Variants in SLC26A7 observed in about 807,000 individuals in gnomAD.
SLC26A7 encodes the protein anion exchange transporter.
SLC26A7 carries 59 observed loss-of-function variants against 82.5 expected under a neutral mutation model. The ratio of observed to expected loss-of-function variants is 0.72; its 90% CI spans 0.58 to 0.89. The LOEUF is 0.89. Ranked by LOEUF, SLC26A7 falls within the 40% of genes least tolerant of loss-of-function variation. The pLI, the probability that SLC26A7 is intolerant of heterozygous loss-of-function variation, is 0.00. For missense variants in SLC26A7, 820 were observed against 793.0 expected, an observed-to-expected ratio of 1.03 and a Z score of -0.41; for synonymous variants, 271 against 274.3, an observed-to-expected ratio of 0.99 and a Z score of 0.12.
intron 2 of SLC26A7, among the ~76,000 whole-genome samples, chr8:91,226,878 C>T (rs927748372): frequency 6.6e-5 from 10 of 152,208 alleles, no homozygotes; most frequent in Admixed American, 4.6e-4. Flanking sequence ...ATTTGAAAAG[C>T]TGAAAGCTTA....
chr8:91,257,827 C>A (rs533259027), intron 2 of SLC26A7, among the ~76,000 whole-genome samples: 2 of 151,900 alleles, frequency 1.3e-5, no homozygotes, highest in Non-Finnish European at 2.9e-5. Context: ...TCCATTCTCA[C>A]GCTGCTATGA....
At chr8:91,369,308 AG>A (rs1168615027) in intron 14 of SLC26A7, among the ~76,000 whole-genome samples, 1 of 152,190 alleles carries the variant, frequency 6.6e-6, no homozygotes. Flanking sequence ...GAGAAATAGC[AG>A]ATGATCTCCT....
At chr8:91,238,531 TTA>T (rs1177542066) in intron 2 of SLC26A7, among the ~76,000 whole-genome samples, 4 of 149,192 alleles carry the variant, frequency 2.7e-5, no homozygotes, top group African/African-American at 4.9e-5. Context: ...GAGAAAGGTT[TTA>T]TATATATATA....
chr8:91,325,788 A>G (rs970271748), intron 5 of SLC26A7, among the ~76,000 whole-genome samples: 1 of 152,208 alleles, frequency 6.6e-6, no homozygotes, highest in Non-Finnish European at 1.5e-5. Context: ...TGAAAAAATC[A>G]TGAGATAGTC....
chr8:91,259,904 C>G (rs1810915115), intron 2 of SLC26A7, among the ~76,000 whole-genome samples: 1 of 152,040 alleles, frequency 6.6e-6, no homozygotes, highest in Non-Finnish European at 1.5e-5. Flanking sequence ...ATTTTATGTT[C>G]TGTGTCTTGG....
intron 5 of SLC26A7, among the ~76,000 whole-genome samples, chr8:91,330,629 T>C (rs1035767366): frequency 1.3e-5 from 2 of 151,970 alleles, no homozygotes; most frequent in African/African-American, 4.8e-5. Context: ...AGAAATGAGG[T>C]TATAAAAACT....
In SLC26A7 at chr8:91,397,594, C is replaced by T. The variant is rs1808605220; in HGVS notation, c.*2497C>T. The T allele has an allele frequency of 6.6e-6, 1 of 152,452 alleles. No homozygotes were observed. Among genetic ancestry groups the T allele is most frequent in the Admixed American group, 6.6e-5 (1 of 15,256 alleles). 9.4% of individuals were successfully genotyped at this position (152,452 alleles called of 1,614,324 possible). On this transcript the variant is annotated 3_prime_UTR_variant, in exon 19 of 19. Transcript: ENST00000276609. ...AACCAGGAAAAGACTGTTAACATTA[C>T]ATTTATGCAAATTAAATGCCCTTAA...
At chr8:91,243,439 T>A (rs1263195857) in intron 2 of SLC26A7, among the ~76,000 whole-genome samples, 1 of 152,132 alleles carries the variant, frequency 6.6e-6, no homozygotes, top group Non-Finnish European at 1.5e-5. Flanking sequence ...GCAACCATGG[T>A]GCCAAAGAGT....
chr8:91,263,143 G>A (rs904150501), intron 2 of SLC26A7, among the ~76,000 whole-genome samples: 3 of 151,936 alleles, frequency 2.0e-5, no homozygotes, highest in African/African-American at 7.2e-5. Context: ...TAATTCTCTG[G>A]TCCTAATTAG....
chr8:91,375,519 ATTTTTTTTTTCTTCAAGAAGGCTAAAAAC>A (rs1814486381), intron 15 of SLC26A7, among the ~76,000 whole-genome samples: 1 of 145,862 alleles, frequency 6.9e-6, no homozygotes, highest in Admixed American at 6.8e-5. Flanking sequence ...CTTGGCTGGC[ATTTTTTTTTTCTTCAAGAAGGCTAAAAAC>A]AGACCCCCAA....
At chr8:91,257,648 C>T (rs992164809) in intron 2 of SLC26A7, among the ~76,000 whole-genome samples, 1 of 151,908 alleles carries the variant, frequency 6.6e-6, no homozygotes, top group African/African-American at 2.4e-5. Flanking sequence ...CATTTTTTCC[C>T]CTTCATTCTT....
chr8:91,380,428 A>G (rs1814637740), intron 15 of SLC26A7, among the ~76,000 whole-genome samples: 1 of 152,134 alleles, frequency 6.6e-6, no homozygotes, highest in Non-Finnish European at 1.5e-5. Flanking sequence ...CATAAAACAA[A>G]GTTTGTGTGC....
intron 4 of SLC26A7, among the ~76,000 whole-genome samples, chr8:91,303,664 C>T (rs1344697676): frequency 6.6e-6 from 1 of 152,096 alleles, no homozygotes; most frequent in Non-Finnish European, 1.5e-5. Flanking sequence ...CTTATGTCTT[C>T]AAGGATGATA....
chr8:91,224,376 G>C (rs781355321), intron 2 of SLC26A7, among the ~76,000 whole-genome samples: 8 of 152,064 alleles, frequency 5.3e-5, no homozygotes, highest in Non-Finnish European at 7.4e-5. Context: ...GGGACTTACT[G>C]TTGTTGTTGA....
In SLC26A7 at chr8:91,343,456, C is replaced by T. The variant is rs777347613; in HGVS notation, c.1130C>T (p.Ala377Val). The change falls in exon 9 of 19, where the codon GCG becomes GTG. Residue 377 changes from alanine (A) to valine (V), a missense_variant. By Grantham distance (64) the Ala-to-Val change is moderately conservative (BLOSUM62 0). Transcript: ENST00000276609. ...GRTAGLYSTG[A>V]KTQVACLISC... ...ACGGCTGGCCTGTACAGCACAGGAGCGAAGACACAGGTAACTGAATTGTTC... is the reference window on the plus strand; with the variant it reads ...ACGGCTGGCCTGTACAGCACAGGAGTGAAGACACAGGTAACTGAATTGTTC... 71 of 1,610,542 alleles carry T rather than the reference C, an allele frequency of 4.4e-5. No homozygotes were observed. In the Admixed American group the frequency reaches 9.3e-4, roughly 21 times the overall value.
chr8:91,288,061 C>T (rs1333586174), intron 2 of SLC26A7, among the ~76,000 whole-genome samples: 1 of 152,158 alleles, frequency 6.6e-6, no homozygotes, highest in African/African-American at 2.4e-5. Flanking sequence ...GCAAAAGTGG[C>T]TTCTACTGCT....
At chr8:91,345,347 G>A (rs1033078608) in intron 9 of SLC26A7, among the ~76,000 whole-genome samples, 1 of 152,068 alleles carries the variant, frequency 6.6e-6, no homozygotes, top group Non-Finnish European at 1.5e-5. Flanking sequence ...GTTCAGCGTT[G>A]GGCTCCAGAG....
intron 15 of SLC26A7, among the ~76,000 whole-genome samples, chr8:91,375,204 A>G (rs1189996079): frequency 6.6e-6 from 1 of 152,050 alleles, no homozygotes; most frequent in African/African-American, 2.4e-5. Flanking sequence ...GCCAAGCCAT[A>G]TCTTTTAAGT....
intron 14 of SLC26A7, among the ~76,000 whole-genome samples, chr8:91,367,809 T>C (rs1814238594): frequency 6.6e-6 from 1 of 152,166 alleles, no homozygotes. Context: ...CTCTTCTTTT[T>C]CTTGTGTCCT....
Sources: allele counts gnomAD v4.1 joint callset (sites outside exome capture counted in the v4.1 genomes callset), GRCh38; gene constraint gnomAD v4.1.1; transcripts MANE v1.5; gene names NCBI Gene and HGNC (gene_info 2026-07-23, HGNC 2026-07-21).